The following FNDC1 variants were observed in gnomAD, a reference collection of about 807,000 sequenced individuals.
FNDC1 encodes the protein fibronectin type III domain containing 1.
In FNDC1, 96 loss-of-function variants were observed where a neutral mutation model predicts 168.0. The ratio of observed to expected loss-of-function variants is 0.57; its 90% CI spans 0.48 to 0.68. FNDC1 has a LOEUF of 0.68. FNDC1 is among the 30% of genes least tolerant of loss of function. The pLI is 0.00. For missense variants in FNDC1, 2,587 were observed against 2,482.1 expected, an observed-to-expected ratio of 1.04 and a Z score of -0.90; for synonymous variants, 1,099 against 1,025.9, an observed-to-expected ratio of 1.07 and a Z score of -1.36.
intron 6 of FNDC1, among the ~76,000 whole-genome samples, chr6:159,222,381 T>C (rs113344422): frequency 0.018 from 2,759 of 152,350 alleles, 91 homozygotes; most frequent in African/African-American, 0.063. Flanking sequence ...TTATTATTGA[T>C]GAATTGCTGC....
chr6:159,262,969 C>T (rs558822341), intron 19 of FNDC1, among the ~76,000 whole-genome samples: 2 of 152,288 alleles, frequency 1.3e-5, no homozygotes, highest in African/African-American at 4.8e-5. Context: ...AATGGCTAGG[C>T]GAGCAACAGG....
At position 159,255,195 on chromosome 6, in the gene FNDC1, C is replaced by A. The variant is rs190564531; in HGVS notation, c.5066-1328C>A. Among the ~76,000 whole-genome samples, 9 of 152,350 alleles carry A rather than the reference C, an allele frequency of 5.9e-5. No homozygotes were observed. In the East Asian group the frequency reaches 1.7e-3, roughly 29 times the overall value. On this transcript the variant is annotated intron_variant, in intron 17 of 22. Transcript: ENST00000297267. ...CAAGGGTGCTGCCTAGTTTTCCCAT[C>A]TGTGCTGCTTCAACTTCAGCTCATG...
At position 159,251,385 on chromosome 6, in the gene FNDC1, C is replaced by T. The variant is rs759315515; in HGVS notation, c.4918C>T (p.Leu1640=). The T allele has an allele frequency of 3.1e-6, 5 of 1,613,870 alleles. No homozygotes were observed. The African/African-American group carries it at 5.3e-5, about 17-fold the overall frequency. ...ACTGGATCACTTCCAAGTGGACAGCCTGGATGAAATCATCCCCAATGACCT... is the reference window on the plus strand; with the variant it reads ...ACTGGATCACTTCCAAGTGGACAGCTTGGATGAAATCATCCCCAATGACCT... ...DALDHFQVDS[L]DEIIPNDLKK... is the part of the protein sequence containing the mutation. The change falls in exon 17 of 23, where the codon CTG becomes TTG. Residue 1640 remains leucine (L), a synonymous_variant. Coordinates refer to ENST00000297267, the MANE Select transcript of FNDC1 (RefSeq NM_032532.3).
At chr6:159,228,890 G>A (rs1378768936) in intron 9 of FNDC1, among the ~76,000 whole-genome samples, 2 of 152,060 alleles carry the variant, frequency 1.3e-5, no homozygotes, top group Non-Finnish European at 2.9e-5. Flanking sequence ...TGGCCAGGGT[G>A]GTCTCAAACT....
In FNDC1 at chr6:159,271,568, T is replaced by C. The variant is rs1338400385; in HGVS notation, c.*126T>C. ...CCCTAGGTGCCAGGAAGGTCATAGA[T>C]GGACACTGGCCATTCTGGTCATCTC... On this transcript the variant is annotated 3_prime_UTR_variant, in exon 23 of 23. Transcript: ENST00000297267. 1 of 671,980 alleles carries C rather than the reference T, an allele frequency of 1.5e-6. No homozygotes were observed. The highest frequency in any genetic ancestry group is 2.7e-6 in the Non-Finnish European group (1 of 369,424). 41.6% of individuals were successfully genotyped at this position (671,980 alleles called of 1,614,324 possible).
At chr6:159,228,628 A>T (rs422470) in intron 9 of FNDC1, among the ~76,000 whole-genome samples, 2 of 151,658 alleles carry the variant, frequency 1.3e-5, no homozygotes, top group African/African-American at 4.8e-5. Context: ...TAATTCTTGA[A>T]TTTTCTGTGA....
rs1280366105 is a variant in FNDC1, at chr6:159,232,072, C to T, written c.1560C>T (p.Pro520=). Residue 520 remains proline, a synonymous_variant, in exon 11 of 23, where the codon CCC becomes CCT. Coordinates refer to ENST00000297267, the MANE Select transcript of FNDC1 (RefSeq NM_032532.3). This position sits in a 1 kb window ranked among gnomAD's most constrained non-coding sequence, Gnocchi z 4.9. ...KNKILANGGA[P]RKPQLRAKKA... ...AAATATTGGCTAATGGTGGGGCGCC[C>T]CGAAAACCCCAGCTTCGCGCCAAGA... 1 of 1,613,678 alleles carries T rather than the reference C, an allele frequency of 6.2e-7. No homozygotes were observed. The highest frequency in any genetic ancestry group is 8.5e-7 in the Non-Finnish European group (1 of 1,179,814).
At chr6:159,218,177 T>G (rs1462787486) in intron 5 of FNDC1, 4 of 152,184 alleles carry the variant, frequency 2.6e-5, no homozygotes, top group Admixed American at 1.3e-4. Context: ...TGGCTGGATC[T>G]GTTGTTGTTG....
At chr6:159,178,888 C>A (rs558264348) in intron 1 of FNDC1, among the ~76,000 whole-genome samples, 1 of 152,194 alleles carries the variant, frequency 6.6e-6, no homozygotes, top group South Asian at 2.1e-4. Context: ...TCCTCTCCCG[C>A]AACATTCCAG....
chr6:159,190,924 G>T (rs2114937166), intron 1 of FNDC1, among the ~76,000 whole-genome samples: 1 of 152,288 alleles, frequency 6.6e-6, no homozygotes, highest in South Asian at 2.1e-4. Flanking sequence ...CTGCTGTAAA[G>T]AACTACCTGA....
Position 159,239,914 on chromosome 6 carries a change from G to A in FNDC1, c.4578G>A (p.Leu1526=), listed in dbSNP as rs945993477. The A allele has an allele frequency of 2.6e-6, 4 of 1,518,462 alleles. No homozygotes were observed. Among genetic ancestry groups the A allele is most frequent in the African/African-American group, 2.8e-5 (2 of 72,292 alleles). The allele number at this position is 1,518,462 out of a possible 1,614,324, so 94.1% of individuals were successfully genotyped here. A position where few individuals can be genotyped will look rare whatever the true frequency, so the allele number is the denominator to read the frequency against. ...TLERHDDDGN[L]IMSSNGIPEC... ...AACGGCACGACGATGATGGCAACCT[G>A]ATAATGAGCTCCAATGGGATCCCAG... The change falls in exon 14 of 23, where the codon CTG becomes CTA. Residue 1526 remains leucine (L), a synonymous_variant. Transcript: ENST00000297267.
At chr6:159,185,800 G>T (rs114956968) in intron 1 of FNDC1, among the ~76,000 whole-genome samples, 1,712 of 152,330 alleles carry the variant, frequency 0.011, 28 homozygotes, top group African/African-American at 0.04. Flanking sequence ...CATCCTAGCT[G>T]CAAGGGAAGC....
chr6:159,238,744 C>A (rs560912340), intron 13 of FNDC1, 79 bp downstream of exon 13: 17 of 960,682 alleles, frequency 1.8e-5, no homozygotes, highest in Non-Finnish European at 2.5e-5. Context: ...CCTTCTCCCC[C>A]TCATTTATAA....
chr6:159,198,531 A>C (rs1782300999), intron 2 of FNDC1, among the ~76,000 whole-genome samples: 1 of 151,568 alleles, frequency 6.6e-6, no homozygotes, highest in Non-Finnish European at 1.5e-5. Flanking sequence ...CTTCAGCTAA[A>C]TGTCCATTTC....
intron 9 of FNDC1, among the ~76,000 whole-genome samples, chr6:159,229,517 A>G (rs930278951): frequency 1.3e-5 from 2 of 152,190 alleles, no homozygotes; most frequent in East Asian, 1.9e-4. Flanking sequence ...TAGAAACCCA[A>G]CGGTGTGTAA....
At chr6:159,269,893 T>A (rs973517798) in intron 22 of FNDC1, among the ~76,000 whole-genome samples, 2 of 152,118 alleles carry the variant, frequency 1.3e-5, no homozygotes, top group African/African-American at 4.8e-5. Flanking sequence ...GTCTGGTGAT[T>A]TAGATGTTAA....
At chr6:159,231,617 TAAG>T (rs1783084518) in intron 10 of FNDC1, among the ~76,000 whole-genome samples, 1 of 152,246 alleles carries the variant, frequency 6.6e-6, no homozygotes, top group African/African-American at 2.4e-5. Flanking sequence ...CTTCAAATAA[TAAG>T]ATGTGGCATA....
Position 159,267,913 on chromosome 6 carries a change from C to T in FNDC1, c.5556C>T (p.Leu1852=), listed in dbSNP as rs1221969835. 3 of 1,609,954 alleles carry T rather than the reference C, an allele frequency of 1.9e-6. No homozygotes were observed. Among genetic ancestry groups the T allele is most frequent in the South Asian group, 2.2e-5 (2 of 90,102 alleles). Residue 1852 remains leucine (L), a synonymous_variant, in exon 22 of 23, where the codon CTC becomes CTT. Coordinates refer to ENST00000297267, the MANE Select transcript of FNDC1 (RefSeq NM_032532.3). ...RTGPQSYVEA[L]PTIQGYYRQY... is the part of the protein sequence containing the mutation. ...GGCCTCAGTCCTATGTAGAAGCCCT[C>T]CCTACTATTCAAGGTAATACAAACA... is the stretch of plus-strand genomic sequence containing the variant.
intron 1 of FNDC1, among the ~76,000 whole-genome samples, chr6:159,170,846 C>T (rs1243476376): frequency 6.6e-6 from 1 of 152,098 alleles, no homozygotes; most frequent in African/African-American, 2.4e-5. Context: ...TTAGTGAACT[C>T]TAGGAAAGTA....
Sources: gnomAD v4.1 joint callset for allele counts (sites outside exome capture counted in the v4.1 genomes callset) on GRCh38, gnomAD v4.1.1 for gene constraint, Gnocchi (gnomAD v3.1) non-coding constraint, MANE v1.5 for transcripts, NCBI Gene and HGNC (gene_info 2026-07-23, HGNC 2026-07-21) for gene names.